The following INPP4B variants were observed in gnomAD, a reference collection of about 807,000 sequenced individuals.
INPP4B encodes the protein inositol polyphosphate 4-phosphatase type II.
INPP4B carries 55 observed loss-of-function variants against 122.5 expected under a neutral mutation model. That is an observed-to-expected ratio of 0.45 (90% CI 0.36 to 0.56). The LOEUF (loss-of-function observed/expected upper bound fraction) is 0.56, where lower values mean the gene tolerates loss of function less well. INPP4B is among the 20% of genes least tolerant of loss of function. INPP4B has a pLI of 0.00. For synonymous variants in INPP4B, 403 were observed against 388.7 expected (o/e 1.04, Z -0.43); for missense variants, 1,000 against 1,097.7 (o/e 0.91, Z 1.26).
intron 21 of INPP4B, among the ~76,000 whole-genome samples, chr4:142,119,059 T>C (rs1002225019): frequency 1.3e-5 from 2 of 152,204 alleles, no homozygotes; most frequent in Admixed American, 6.5e-5. Flanking sequence ...TCATCATCAC[T>C]GGCCATCAGA....
At chr4:142,188,514 A>ATATATATAT (rs1319182103) in intron 15 of INPP4B, among the ~76,000 whole-genome samples, 21 of 116,272 alleles carry the variant, frequency 1.8e-4, no homozygotes, top group South Asian at 5.8e-4. Flanking sequence ...AAAAAAAGAA[A>ATATATATAT]AAAAATATAT....
intron 7 of INPP4B, among the ~76,000 whole-genome samples, chr4:142,381,673 T>A (rs1372440412): frequency 6.6e-6 from 1 of 152,170 alleles, no homozygotes; most frequent in Non-Finnish European, 1.5e-5. Flanking sequence ...AGTTGTAGTG[T>A]AGTTTAATTT....
chr4:142,095,884 G>A (rs544342191), intron 23 of INPP4B, among the ~76,000 whole-genome samples: 17 of 152,238 alleles, frequency 1.1e-4, no homozygotes, highest in African/African-American at 1.7e-4. Context: ...CACAATTATC[G>A]TCTTAACCAT....
chr4:142,773,762 A>G (rs1773438714), intron 1 of INPP4B, among the ~76,000 whole-genome samples: 1 of 152,218 alleles, frequency 6.6e-6, no homozygotes, highest in Non-Finnish European at 1.5e-5. Flanking sequence ...ATAAGCAAGA[A>G]AACACTATTT....
intron 25 of INPP4B, among the ~76,000 whole-genome samples, chr4:142,066,958 G>C (rs190136004): frequency 6.6e-6 from 1 of 152,148 alleles, no homozygotes; most frequent in Non-Finnish European, 1.5e-5. Flanking sequence ...CTTGTCTGAT[G>C]GGTTTGAAGA....
At chr4:142,772,654 A>G (rs1256719556) in intron 1 of INPP4B, among the ~76,000 whole-genome samples, 1 of 152,186 alleles carries the variant, frequency 6.6e-6, no homozygotes, top group Non-Finnish European at 1.5e-5. Flanking sequence ...AGGTCTACAT[A>G]GGGAAATTGA....
At chr4:142,676,274 T>A (rs1757755751) in intron 2 of INPP4B, among the ~76,000 whole-genome samples, 1 of 152,000 alleles carries the variant, frequency 6.6e-6, no homozygotes, top group African/African-American at 2.4e-5. Flanking sequence ...TACCTAGGAA[T>A]ACAACTTACA....
At chr4:142,477,125 A>G (rs1037296938) in intron 2 of INPP4B, among the ~76,000 whole-genome samples, 5 of 152,226 alleles carry the variant, frequency 3.3e-5, no homozygotes, top group Non-Finnish European at 5.9e-5. Flanking sequence ...ATAAAAATAG[A>G]AAACAATATT....
chr4:142,732,361 A>G (rs771091409), intron 1 of INPP4B, among the ~76,000 whole-genome samples: 26 of 151,950 alleles, frequency 1.7e-4, no homozygotes, highest in African/African-American at 2.4e-5. Context: ...AAAAATTCCA[A>G]TTTTATTTTC....
At chr4:142,769,740 C>T (rs1351640895) in intron 1 of INPP4B, among the ~76,000 whole-genome samples, 1 of 151,830 alleles carries the variant, frequency 6.6e-6, no homozygotes, top group African/African-American at 2.4e-5. Flanking sequence ...CATGGTAAAA[C>T]CCCATCTCTA....
intron 2 of INPP4B, among the ~76,000 whole-genome samples, chr4:142,647,093 T>C (rs1377959312): frequency 6.6e-6 from 1 of 152,072 alleles, no homozygotes; most frequent in Non-Finnish European, 1.5e-5. Context: ...TAAAGAGAAG[T>C]TAATAGATAA....
chr4:142,115,662 C>T lies in INPP4B; in HGVS notation c.2136-2980G>A, dbSNP rs573492341. On this transcript the variant is annotated intron_variant, in intron 21 of 25. Transcript: ENST00000262992. ...GCCTTACAAGAGCTCCTCAAGGAAG[C>T]GCTAAACGTGGAAAGGAACAACTGG... is the stretch of plus-strand genomic sequence containing the variant. 1.7e-4 allele frequency among the ~76,000 whole-genome samples: 26 copies of T among 152,264 alleles called. 1 individual carries two copies. The highest frequency in any genetic ancestry group is 9.7e-4 in the East Asian group (5 of 5,174).
chr4:142,609,201 T>C, intron 2 of INPP4B, among the ~76,000 whole-genome samples: 1 of 151,080 alleles, frequency 6.6e-6, no homozygotes. Flanking sequence ...TAAATATAAA[T>C]ATTTATTTAT....
At chr4:142,789,683 A>G (rs1016357544) in intron 1 of INPP4B, among the ~76,000 whole-genome samples, 5 of 152,160 alleles carry the variant, frequency 3.3e-5, no homozygotes, top group Non-Finnish European at 7.3e-5. Flanking sequence ...TATAAATTCA[A>G]TGCAATTCCC....
chr4:142,314,685 C>T (rs1766818735), intron 8 of INPP4B, 27 bp downstream of exon 8: 1 of 1,594,820 alleles, frequency 6.3e-7, no homozygotes. Context: ...GATGTGTGTG[C>T]CTTCTGGAAA....
At chr4:142,791,302 C>A (rs1186083839) in intron 1 of INPP4B, among the ~76,000 whole-genome samples, 1 of 152,016 alleles carries the variant, frequency 6.6e-6, no homozygotes, top group Non-Finnish European at 1.5e-5. Context: ...TCTATAAGAG[C>A]TTTTGTTTCA....
At chr4:142,272,144 T>C (rs1366377482) in intron 9 of INPP4B, among the ~76,000 whole-genome samples, 1 of 152,162 alleles carries the variant, frequency 6.6e-6, no homozygotes, top group East Asian at 1.9e-4. Context: ...TGAACACCAA[T>C]GTTGTCTTTC....
chr4:142,820,206 C>T (rs1312573599), intron 1 of INPP4B, among the ~76,000 whole-genome samples: 1 of 152,110 alleles, frequency 6.6e-6, no homozygotes, highest in African/African-American at 2.4e-5. Flanking sequence ...AGTCTTATCC[C>T]AATGTTAGAG....
chr4:142,738,800 A>T (rs1767454775), intron 1 of INPP4B, among the ~76,000 whole-genome samples: 1 of 152,088 alleles, frequency 6.6e-6, no homozygotes, highest in African/African-American at 2.4e-5. Context: ...AGCGTTCCTA[A>T]GTTAAAAGAT....
Sources: gnomAD v4.1 joint callset for allele counts (sites outside exome capture counted in the v4.1 genomes callset) on GRCh38, gnomAD v4.1.1 for gene constraint, MANE v1.5 for transcripts, NCBI Gene and HGNC (gene_info 2026-07-23, HGNC 2026-07-21) for gene names.